THSD4: variants seen among roughly 807,000 people sequenced by gnomAD.
The protein encoded by THSD4 is thrombospondin type-1 domain-containing protein 4.
A neutral mutation model predicts 119.0 loss-of-function variants in THSD4; 69 were observed. That is an observed-to-expected ratio of 0.58 (90% CI 0.48 to 0.71). The LOEUF (loss-of-function observed/expected upper bound fraction) is 0.71, where lower values mean the gene tolerates loss of function less well. Among genes scored for constraint, THSD4 ranks in the 30% least tolerant of loss-of-function variants. THSD4 has a pLI of 0.00. For synonymous variants in THSD4, 524 were observed against 540.4 expected (o/e 0.97, Z 0.42); for missense variants, 1,393 against 1,391.1 (o/e 1.00, Z -0.02).
chr15:71,327,829 T>C (rs2045366219), intron 6 of THSD4, among the ~76,000 whole-genome samples: 1 of 152,254 alleles, frequency 6.6e-6, no homozygotes, highest in Non-Finnish European at 1.5e-5. Flanking sequence ...TTATATATAG[T>C]GACCTGCTTG....
intron 7 of THSD4, among the ~76,000 whole-genome samples, chr15:71,517,284 A>G (rs1016057762): frequency 2.0e-5 from 3 of 151,680 alleles, no homozygotes; most frequent in Non-Finnish European, 4.4e-5. Context: ...CTCTTCTTCC[A>G]TCCCCGCCAC....
At chr15:71,583,160 A>G (rs538457096) in intron 7 of THSD4, among the ~76,000 whole-genome samples, 8 of 152,238 alleles carry the variant, frequency 5.3e-5, no homozygotes, top group African/African-American at 1.9e-4. Flanking sequence ...TAGGTGGTAT[A>G]TGTTTCAGAA....
Position 71,256,645 on chromosome 15 carries a change from G to A in THSD4, c.945G>A (p.Glu315=). 2 of 1,614,036 alleles carry A rather than the reference G, an allele frequency of 1.2e-6. No homozygotes were observed. The highest frequency in any genetic ancestry group is 1.7e-6 in the Non-Finnish European group (2 of 1,179,950). Residue 315 remains glutamate, a synonymous_variant, in exon 6 of 18, where the codon GAG becomes GAA. Transcript: ENST00000261862. Reference sequence around the variant, plus strand: ...CAGAAAGCAGTAGAAGTATCCGGGAGGTACAGTGTGCATCCTACAACAACA... The same window carrying A: ...CAGAAAGCAGTAGAAGTATCCGGGAAGTACAGTGTGCATCCTACAACAACA... ...VCPESSRSIR[E]VQCASYNNKP... is the part of the protein sequence containing the mutation.
intron 1 of THSD4, among the ~76,000 whole-genome samples, chr15:71,098,588 A>C (rs1430905538): frequency 6.6e-6 from 1 of 152,068 alleles, no homozygotes; most frequent in Non-Finnish European, 1.5e-5. Flanking sequence ...TAAAAAATTT[A>C]TGAACTAGAT....
chr15:71,183,628 G>A (rs1337500290), intron 3 of THSD4, among the ~76,000 whole-genome samples: 2 of 151,642 alleles, frequency 1.3e-5, no homozygotes, highest in Non-Finnish European at 2.9e-5. Flanking sequence ...CACATGCCAG[G>A]CCATGGAATT....
At chr15:71,628,951 G>A (rs2050561915) in intron 7 of THSD4, among the ~76,000 whole-genome samples, 2 of 152,196 alleles carry the variant, frequency 1.3e-5, no homozygotes, top group African/African-American at 2.4e-5. Flanking sequence ...CCTATGGTGA[G>A]CTGGAGACTG....
intron 15 of THSD4, among the ~76,000 whole-genome samples, chr15:71,759,656 A>G (rs980940662): frequency 4.6e-5 from 7 of 152,276 alleles, no homozygotes; most frequent in Admixed American, 1.3e-4. Context: ...AAATATCCAT[A>G]GATGTGTGAA....
chr15:71,303,601 G>C (rs908101380), intron 6 of THSD4, among the ~76,000 whole-genome samples: 1 of 152,124 alleles, frequency 6.6e-6, no homozygotes, highest in African/African-American at 2.4e-5. Context: ...TTCTCTTCCA[G>C]AATCTTCTCT....
chr15:71,129,610 C>T (rs749555738), intron 1 of THSD4, among the ~76,000 whole-genome samples: 1 of 152,204 alleles, frequency 6.6e-6, no homozygotes, highest in South Asian at 2.1e-4. Flanking sequence ...TATGTGATGA[C>T]TGACTTTTTC....
chr15:71,742,880 C>T (rs962880610), intron 11 of THSD4, among the ~76,000 whole-genome samples: 1 of 152,048 alleles, frequency 6.6e-6, no homozygotes, highest in Non-Finnish European at 1.5e-5. Context: ...CACGGCAAAA[C>T]CCCATCTCTA....
intron 8 of THSD4, among the ~76,000 whole-genome samples, chr15:71,674,338 T>G (rs1459428141): frequency 6.6e-6 from 1 of 152,208 alleles, no homozygotes; most frequent in African/African-American, 2.4e-5. Context: ...TTCCTTAACT[T>G]TTCTGAGATT....
chr15:71,465,730 C>G (rs1396685580), intron 7 of THSD4, among the ~76,000 whole-genome samples: 2 of 152,322 alleles, frequency 1.3e-5, no homozygotes, highest in Non-Finnish European at 2.9e-5. Flanking sequence ...TTCCCAAAAC[C>G]TGCTTTGTTG....
chr15:71,164,464 C>T (rs2043272810), intron 3 of THSD4, among the ~76,000 whole-genome samples: 5 of 148,162 alleles, frequency 3.4e-5, no homozygotes, highest in Admixed American at 3.4e-4. Flanking sequence ...GATGAAAAAA[C>T]TACCATCCCC....
intron 7 of THSD4, among the ~76,000 whole-genome samples, chr15:71,659,485 C>A (rs1179504724): frequency 6.6e-6 from 1 of 152,122 alleles, no homozygotes; most frequent in Non-Finnish European, 1.5e-5. Context: ...ATGATGCAAT[C>A]ACTGTAGCCT....
In THSD4 at chr15:71,622,107, C is replaced by G. The variant is rs185937435; in HGVS notation, c.1153-38423C>G. 6.1e-4 allele frequency among the ~76,000 whole-genome samples: 93 copies of G among 152,224 alleles called. 1 individual carries two copies. The highest frequency in any genetic ancestry group is 1.8e-3 in the African/African-American group (75 of 41,532). On this transcript the variant is annotated intron_variant, in intron 7 of 17. Transcript: ENST00000261862. ...GATGCCAAAAGTTGGGATCAGTTAT[C>G]CAAAGGGCTGTATTTGAAGGCTGGG...
chr15:71,536,191 T>G (rs566294778), intron 7 of THSD4, among the ~76,000 whole-genome samples: 3 of 152,332 alleles, frequency 2.0e-5, no homozygotes, highest in South Asian at 4.1e-4. Flanking sequence ...CTCACTAGAC[T>G]GCCATCAAGG....
intron 16 of THSD4, among the ~76,000 whole-genome samples, chr15:71,770,028 C>T (rs2140242379): frequency 9.7e-6 from 1 of 103,436 alleles, no homozygotes; most frequent in East Asian, 2.3e-4. Context: ...GGGCAGATCA[C>T]CTGAGATCAG....
chr15:71,718,885 T>C (rs919365359), intron 8 of THSD4, among the ~76,000 whole-genome samples: 1 of 152,224 alleles, frequency 6.6e-6, no homozygotes, highest in African/African-American at 2.4e-5. Context: ...TCTGGTCACG[T>C]TGTATTGGCA....
At chr15:71,638,537 T>G (rs1166348805) in intron 7 of THSD4, among the ~76,000 whole-genome samples, 2 of 152,208 alleles carry the variant, frequency 1.3e-5, no homozygotes, top group Admixed American at 1.3e-4. Flanking sequence ...GTCTTTTCTA[T>G]ATAACAGAGA....
Sources: gnomAD v4.1 joint callset for allele counts (sites outside exome capture counted in the v4.1 genomes callset) on GRCh38, gnomAD v4.1.1 for gene constraint, MANE v1.5 for transcripts, NCBI Gene and HGNC (gene_info 2026-07-23, HGNC 2026-07-21) for gene names.